Variants in APBA1 observed in about 807,000 individuals in gnomAD.
APBA1 encodes the protein amyloid beta precursor protein binding family A member 1.
Under a neutral mutation model 86.6 loss-of-function variants are expected in APBA1, and 55 were observed. The observed-to-expected ratio is 0.64, with a 90% confidence interval of 0.51 to 0.80. The LOEUF (loss-of-function observed/expected upper bound fraction) is 0.80, where lower values mean the gene tolerates loss of function less well. Among genes scored for constraint, APBA1 ranks in the 30% least tolerant of loss-of-function variants. The pLI is 0.00. For missense variants in APBA1, 1,090 were observed against 1,183.0 expected, an observed-to-expected ratio of 0.92 and a Z score of 1.15; for synonymous variants, 511 against 493.9, an observed-to-expected ratio of 1.03 and a Z score of -0.46.
chr9:69,591,172 T>C (rs780577229), intron 1 of APBA1, among the ~76,000 whole-genome samples: 3 of 152,206 alleles, frequency 2.0e-5, no homozygotes, highest in Admixed American at 6.5e-5. Flanking sequence ...GAACTTCCGA[T>C]GTGAGGTCCT....
intron 5 of APBA1, chr9:69,464,892 A>G (rs756746818): frequency 1.1e-4 from 16 of 152,202 alleles, no homozygotes; most frequent in Non-Finnish European, 2.1e-4. Context: ...TCAGAGGGCT[A>G]ATAAACAAGG....
chr9:69,455,298 G>A (rs758468243), intron 8 of APBA1, among the ~76,000 whole-genome samples: 3 of 152,052 alleles, frequency 2.0e-5, no homozygotes, highest in Non-Finnish European at 4.4e-5. Flanking sequence ...TGGCCCTCAG[G>A]GGGTGGGTGA....
intron 1 of APBA1, among the ~76,000 whole-genome samples, chr9:69,584,645 T>G (rs966418232): frequency 2.0e-5 from 3 of 152,196 alleles, no homozygotes; most frequent in African/African-American, 7.2e-5. Context: ...GAGTAAGCAT[T>G]CAGTAAATTA....
intron 1 of APBA1, among the ~76,000 whole-genome samples, chr9:69,540,803 TG>T (rs1433361723): frequency 4.6e-5 from 7 of 152,150 alleles, no homozygotes; most frequent in Non-Finnish European, 8.8e-5. Flanking sequence ...CTCGCCACAT[TG>T]CCCAGGTTGG....
At chr9:69,453,690 G>A (rs769148383) in intron 8 of APBA1, among the ~76,000 whole-genome samples, 2 of 152,204 alleles carry the variant, frequency 1.3e-5, no homozygotes, top group African/African-American at 4.8e-5. Context: ...GTAGCAGGGT[G>A]CAAATACTGT....
At position 69,429,237 on chromosome 9, in the gene APBA1, G is replaced by C. The variant is rs1834545856; in HGVS notation, c.*2090C>G. ...GTTCTATCCACTCTTATTGGCAGAG[G>C]AAAGATGAACTGGCTGATGACTCTT... On this transcript the variant is annotated 3_prime_UTR_variant, in exon 13 of 13. Coordinates refer to ENST00000265381, the MANE Select transcript of APBA1 (RefSeq NM_001163.4). 6.6e-6 allele frequency: 1 copy of C among 152,224 alleles called. No individual in the cohort carries two copies. Among genetic ancestry groups the C allele is most frequent in the Non-Finnish European group, 1.5e-5 (1 of 68,054 alleles). The allele number at this position is 152,224 out of a possible 1,614,324, so 9.4% of individuals were successfully genotyped here. A position where few individuals can be genotyped will look rare whatever the true frequency, so the allele number is the denominator to read the frequency against.
intron 1 of APBA1, among the ~76,000 whole-genome samples, chr9:69,657,150 G>A (rs929231761): frequency 2.0e-5 from 3 of 152,160 alleles, no homozygotes; most frequent in Non-Finnish European, 4.4e-5. Context: ...CGGCCTAACC[G>A]GGAGATCTAA....
chr9:69,451,081 T>A (rs1039854406), intron 9 of APBA1, among the ~76,000 whole-genome samples: 20 of 152,228 alleles, frequency 1.3e-4, no homozygotes, highest in Non-Finnish European at 2.8e-4. Context: ...TAAATTCATA[T>A]ACCCCCTGTC....
At chr9:69,576,502 T>C (rs1338729473) in intron 1 of APBA1, among the ~76,000 whole-genome samples, 4 of 152,180 alleles carry the variant, frequency 2.6e-5, no homozygotes, top group Non-Finnish European at 1.5e-5. Flanking sequence ...GTGGCACATA[T>C]ACACCATGGA....
At chr9:69,446,455 C>A (rs920985625) in intron 10 of APBA1, among the ~76,000 whole-genome samples, 1 of 152,212 alleles carries the variant, frequency 6.6e-6, no homozygotes, top group Non-Finnish European at 1.5e-5. Context: ...TATCACCACT[C>A]GGCCTTTTAA....
In APBA1 at chr9:69,600,651, T is replaced by C. The variant is rs1822329979; in HGVS notation, c.-70+71502A>G. Among the ~76,000 whole-genome samples the C allele has an allele frequency of 2.0e-5, 3 of 151,834 alleles. No homozygotes were observed. The South Asian group carries it at 6.3e-4, about 32-fold the overall frequency. ...CTGTCTCTACTAAAAATAGAAAAATTAGCTGAGTGTGGAGGTACACACCTG... is the reference window on the plus strand; with the variant it reads ...CTGTCTCTACTAAAAATAGAAAAATCAGCTGAGTGTGGAGGTACACACCTG... On this transcript the variant is annotated intron_variant, in intron 1 of 12. Transcript: ENST00000265381.
intron 2 of APBA1, among the ~76,000 whole-genome samples, chr9:69,477,241 T>C (rs1447471413): frequency 1.3e-5 from 2 of 151,382 alleles, no homozygotes; most frequent in East Asian, 2.0e-4. Context: ...TGCCAGACAG[T>C]GGGCGCAGGT....
At chr9:69,584,458 T>C (rs568475542) in intron 1 of APBA1, among the ~76,000 whole-genome samples, 2 of 152,360 alleles carry the variant, frequency 1.3e-5, no homozygotes, top group East Asian at 3.9e-4. Flanking sequence ...TTATAGGCTG[T>C]GTAGTCTGAT....
At chr9:69,524,228 T>G (rs1836307394) in intron 1 of APBA1, among the ~76,000 whole-genome samples, 1 of 151,624 alleles carries the variant, frequency 6.6e-6, no homozygotes, top group Non-Finnish European at 1.5e-5. Context: ...AAGAAATAAC[T>G]AAAATCAGAG....
intron 2 of APBA1, among the ~76,000 whole-genome samples, chr9:69,486,523 C>A (rs1235038303): frequency 6.6e-6 from 1 of 152,018 alleles, no homozygotes; most frequent in Non-Finnish European, 1.5e-5. Context: ...CAGCAGGTGG[C>A]CAGGATGTTG....
chr9:69,642,254 C>A (rs1467927558), intron 1 of APBA1, among the ~76,000 whole-genome samples: 7 of 152,140 alleles, frequency 4.6e-5, no homozygotes, highest in Non-Finnish European at 1.0e-4. Flanking sequence ...ACATAAACAA[C>A]CCTTACAACT....
chr9:69,444,864 A>G (rs1464248821), intron 10 of APBA1, among the ~76,000 whole-genome samples: 1 of 152,204 alleles, frequency 6.6e-6, no homozygotes, highest in Non-Finnish European at 1.5e-5. Flanking sequence ...CCGGGGCTGG[A>G]TAAGAGACAT....
chr9:69,451,621 C>T (rs766799854), intron 9 of APBA1, among the ~76,000 whole-genome samples: 3 of 152,286 alleles, frequency 2.0e-5, no homozygotes, highest in African/African-American at 7.2e-5. Context: ...ATCCCCAGAT[C>T]GCCAGACCAG....
intron 11 of APBA1, among the ~76,000 whole-genome samples, chr9:69,440,567 T>A (rs529255521): frequency 3.9e-4 from 60 of 152,266 alleles, no homozygotes; most frequent in African/African-American, 1.4e-3. Flanking sequence ...TCCATGGGCG[T>A]AGGACCCTCC....
Sources: gnomAD v4.1 joint callset for allele counts (sites outside exome capture counted in the v4.1 genomes callset) on GRCh38, gnomAD v4.1.1 for gene constraint, MANE v1.5 for transcripts, NCBI Gene and HGNC (gene_info 2026-07-23, HGNC 2026-07-21) for gene names.